TGM3: variants seen among roughly 807,000 people sequenced by gnomAD.
TGM3 encodes the protein transglutaminase 3, also known as protein-glutamine gamma-glutamyltransferase E.
In TGM3, 52 loss-of-function variants were observed where a neutral mutation model predicts 73.8. The ratio of observed to expected loss-of-function variants is 0.70; its 90% CI spans 0.56 to 0.89. The LOEUF (loss-of-function observed/expected upper bound fraction) is 0.89. Among genes scored for constraint, TGM3 ranks in the 40% least tolerant of loss-of-function variants. The probability of loss-of-function intolerance (pLI) is 0.00; values close to 1 mark genes in which losing one functional copy is unlikely to be tolerated. For synonymous variants in TGM3, 372 were observed against 354.9 expected (o/e 1.05, Z -0.54); for missense variants, 928 against 909.9 (o/e 1.02, Z -0.26).
chr20:2,316,219 T>A (rs937095161), intron 5 of TGM3, among the ~76,000 whole-genome samples: 1 of 152,208 alleles, frequency 6.6e-6, no homozygotes, highest in Admixed American at 6.5e-5. Flanking sequence ...AATAGCTGAA[T>A]GAATGAAAGA....
intron 1 of TGM3, among the ~76,000 whole-genome samples, chr20:2,303,173 T>C (rs943175783): frequency 6.6e-6 from 1 of 151,898 alleles, no homozygotes; most frequent in Non-Finnish European, 1.5e-5. Flanking sequence ...TGGTGGTGCA[T>C]GCCTGTAATC....
At chr20:2,313,996 T>C (rs1298220045) in intron 5 of TGM3, among the ~76,000 whole-genome samples, 1 of 134,274 alleles carries the variant, frequency 7.4e-6, no homozygotes, top group Non-Finnish European at 1.6e-5. Context: ...CAAAACCCTG[T>C]CTCTACAACA....
At chr20:2,296,570 GGAGC>G (rs1303832983) in intron 1 of TGM3, among the ~76,000 whole-genome samples, 1 of 152,038 alleles carries the variant, frequency 6.6e-6, no homozygotes, top group Non-Finnish European at 1.5e-5. Flanking sequence ...AACTTACTTA[GGAGC>G]ATTAGGAATG....
chr20:2,336,335 G>A (rs2084351105), intron 11 of TGM3, among the ~76,000 whole-genome samples: 1 of 152,086 alleles, frequency 6.6e-6, no homozygotes. Flanking sequence ...TTCCCTTGGG[G>A]CCCAATCAAG....
chr20:2,331,662 T>G (rs375837777), intron 9 of TGM3, among the ~76,000 whole-genome samples: 3 of 152,354 alleles, frequency 2.0e-5, no homozygotes, highest in East Asian at 3.9e-4. Flanking sequence ...AAATTATCTG[T>G]TTTTTAAGTC....
rs548838892 is a variant in TGM3, at chr20:2,334,865, C to G, written c.1643-251C>G. On this transcript the variant is annotated intron_variant, in intron 10 of 12. Coordinates refer to ENST00000381458, the MANE Select transcript of TGM3 (RefSeq NM_003245.4). The surrounding 1 kb of genome is among the most constrained non-coding windows in gnomAD (Gnocchi z 4.0). ...GGGAGGAAGCAGCGGTATCTTTAGC[C>G]CCTGTGAGCCCATCCTCCTGGGAAT... 6.6e-6 allele frequency among the ~76,000 whole-genome samples: 1 copy of G among 152,230 alleles called. No homozygotes were observed. Among genetic ancestry groups the G allele is most frequent in the African/African-American group, 2.4e-5 (1 of 41,460 alleles).
intron 7 of TGM3, among the ~76,000 whole-genome samples, chr20:2,323,347 T>A (rs1341404712): frequency 6.6e-6 from 1 of 152,254 alleles, no homozygotes; most frequent in Non-Finnish European, 1.5e-5. Flanking sequence ...TCATGATATC[T>A]CTTAGACATC....
At position 2,310,433 on chromosome 20, in the gene TGM3, C is replaced by A; in HGVS notation, c.421+16C>A. ...TGGCTGAATGGTAGGTGTCTAGCCA[C>A]CCACACTCTCAGCCCTGGCCTAAGC... is the stretch of plus-strand genomic sequence containing the variant. On this transcript the variant is annotated intron_variant, in intron 3 of 12. Coordinates refer to ENST00000381458, the MANE Select transcript of TGM3 (RefSeq NM_003245.4). 6.2e-7 allele frequency: 1 copy of A among 1,613,518 alleles called. No homozygotes were observed. Among genetic ancestry groups the A allele is most frequent in the Non-Finnish European group, 8.5e-7 (1 of 1,179,526 alleles).
intron 1 of TGM3, among the ~76,000 whole-genome samples, chr20:2,303,802 A>G (rs1165353201): frequency 6.6e-6 from 1 of 151,992 alleles, no homozygotes; most frequent in East Asian, 1.9e-4. Context: ...TCAGGAAAAA[A>G]AATCTGGGAA....
intron 8 of TGM3, among the ~76,000 whole-genome samples, chr20:2,326,399 C>T (rs545930115): frequency 6.4e-4 from 98 of 152,350 alleles, no homozygotes; most frequent in Non-Finnish European, 1.1e-3. Flanking sequence ...ATCCCTATCC[C>T]GGGCCTCTGC....
At position 2,332,048 on chromosome 20, in the gene TGM3, T is replaced by C. The variant is rs1048046068; in HGVS notation, c.1380T>C (p.Leu460=). The C allele has an allele frequency of 6.2e-7, 1 of 1,613,950 alleles. No homozygotes were observed. The highest frequency in any genetic ancestry group is 8.5e-7 in the Non-Finnish European group (1 of 1,179,882). The change falls in exon 10 of 13, where the codon CTT becomes CTC. Residue 460 remains leucine, a synonymous_variant. Coordinates refer to ENST00000381458, the MANE Select transcript of TGM3 (RefSeq NM_003245.4). This position sits in a 1 kb window ranked among gnomAD's most constrained non-coding sequence, Gnocchi z 4.4. ...TGTTCCAAAAGGCTTTGGGGAAACT[T>C]AAACCCAACACGCCATTTGCCGCGA... ...RQVFQKALGK[L]KPNTPFAATS...
At chr20:2,315,616 G>C (rs2084229295) in intron 5 of TGM3, among the ~76,000 whole-genome samples, 1 of 152,254 alleles carries the variant, frequency 6.6e-6, no homozygotes. Context: ...GGACACACAG[G>C]CTGGAGGAGC....
At chr20:2,297,860 C>T (rs983389213) in intron 1 of TGM3, among the ~76,000 whole-genome samples, 4 of 152,078 alleles carry the variant, frequency 2.6e-5, no homozygotes, top group African/African-American at 7.2e-5. Flanking sequence ...GTTCTGTCCT[C>T]GGTAGCTTTT....
At chr20:2,338,185 A>G (rs1038309206) in intron 11 of TGM3, among the ~76,000 whole-genome samples, 1 of 152,210 alleles carries the variant, frequency 6.6e-6, no homozygotes, top group African/African-American at 2.4e-5. Flanking sequence ...ACCTTAGACC[A>G]CAAAACCAGG....
chr20:2,301,139 CATG>C (rs2084144905), intron 1 of TGM3, among the ~76,000 whole-genome samples: 1 of 151,650 alleles, frequency 6.6e-6, no homozygotes, highest in African/African-American at 2.4e-5. Flanking sequence ...TTGAAAATGT[CATG>C]ATATGTGGGG....
At chr20:2,306,013 T>A (rs946525615) in intron 1 of TGM3, among the ~76,000 whole-genome samples, 3 of 152,190 alleles carry the variant, frequency 2.0e-5, no homozygotes, top group African/African-American at 4.8e-5. Flanking sequence ...TTCCTGCAGG[T>A]TTCCCTGTTG....
intron 9 of TGM3, among the ~76,000 whole-genome samples, chr20:2,331,046 AAAAAG>A (rs1268401046): frequency 6.6e-6 from 1 of 151,872 alleles, no homozygotes; most frequent in Admixed American, 6.6e-5. Context: ...AAAAAAATAA[AAAAAG>A]AAAAGAAAGT....
intron 5 of TGM3, 62 bp from the exon 6 acceptor site, chr20:2,317,006 T>C: frequency 1.3e-6 from 2 of 1,575,934 alleles, no homozygotes; most frequent in South Asian, 1.1e-5. Flanking sequence ...GAATTCTGCA[T>C]GTCAGTCTCC....
chr20:2,299,404 ACTCCC>A (rs1281241546), intron 1 of TGM3, among the ~76,000 whole-genome samples: 2 of 147,928 alleles, frequency 1.4e-5, no homozygotes, highest in Admixed American at 1.4e-4. Context: ...ATGCCTGAGC[ACTCCC>A]CTTGTTCACC....
Sources: gnomAD v4.1 joint callset for allele counts (sites outside exome capture counted in the v4.1 genomes callset) on GRCh38, gnomAD v4.1.1 for gene constraint, Gnocchi (gnomAD v3.1) non-coding constraint, MANE v1.5 for transcripts, NCBI Gene and HGNC (gene_info 2026-07-23, HGNC 2026-07-21) for gene names.